The following CTNND2 variants were observed in gnomAD, a reference collection of about 807,000 sequenced individuals.
CTNND2 encodes catenin delta-2.
Under a neutral mutation model 144.4 loss-of-function variants are expected in CTNND2, and 22 were observed. The ratio of observed to expected loss-of-function variants is 0.15; its 90% CI spans 0.11 to 0.22. The LOEUF (loss-of-function observed/expected upper bound fraction) is 0.22, where lower values mean the gene tolerates loss of function less well. Among genes scored for constraint, CTNND2 ranks in the 10% least tolerant of loss-of-function variants. CTNND2 has a pLI of 1.00. For synonymous variants in CTNND2, 751 were observed against 695.6 expected (o/e 1.08, Z -1.25); for missense variants, 1,353 against 1,618.8 (o/e 0.84, Z 2.82).
At chr5:11,227,149 A>ATGGAAT (rs1488157317) in intron 10 of CTNND2, among the ~76,000 whole-genome samples, 1 of 152,202 alleles carries the variant, frequency 6.6e-6, no homozygotes, top group Non-Finnish European at 1.5e-5. Context: ...CTATAAAACT[A>ATGGAAT]TGGAATTGGT....
chr5:11,175,595 T>C (rs1343606224), intron 11 of CTNND2, among the ~76,000 whole-genome samples: 2 of 151,878 alleles, frequency 1.3e-5, no homozygotes, highest in African/African-American at 4.8e-5. Context: ...TATCTGATTG[T>C]GTATTGATGG....
intron 12 of CTNND2, among the ~76,000 whole-genome samples, chr5:11,133,685 G>C (rs1030915580): frequency 6.6e-6 from 1 of 152,188 alleles, no homozygotes; most frequent in Non-Finnish European, 1.5e-5. Context: ...TTTCTGGAAG[G>C]CTTATTAAAA....
At chr5:11,061,961 G>A (rs1747038161) in intron 16 of CTNND2, among the ~76,000 whole-genome samples, 5 of 152,058 alleles carry the variant, frequency 3.3e-5, no homozygotes, top group Admixed American at 3.3e-4. Flanking sequence ...TGTCTGCCTC[G>A]GCCTCCCAAA....
intron 8 of CTNND2, among the ~76,000 whole-genome samples, 197 bp from the exon 9 acceptor site, chr5:11,346,824 G>A (rs1754842075): frequency 6.6e-6 from 1 of 152,172 alleles, no homozygotes; most frequent in Non-Finnish European, 1.5e-5. Flanking sequence ...ATGCCTAAGA[G>A]ACAAACCTTT....
chr5:11,805,172 CAGG>C (rs1791923390), intron 1 of CTNND2, among the ~76,000 whole-genome samples: 1 of 152,048 alleles, frequency 6.6e-6, no homozygotes, highest in South Asian at 2.1e-4. Flanking sequence ...ATTTAAGCAA[CAGG>C]AGGAGAACAG....
chr5:11,729,190 CA>C (rs34925830), intron 2 of CTNND2, among the ~76,000 whole-genome samples: 13,100 of 140,196 alleles, frequency 0.093, 1,021 homozygotes, highest in African/African-American at 0.23. Context: ...TATGTGCCAC[CA>C]AAAAAAAAAA....
At chr5:11,641,772 A>G (rs1000239576) in intron 2 of CTNND2, among the ~76,000 whole-genome samples, 6 of 146,402 alleles carry the variant, frequency 4.1e-5, no homozygotes, top group East Asian at 2.2e-4. Context: ...ATATACGTAT[A>G]TGTATGTACA....
At chr5:11,606,225 C>A (rs1278888385) in intron 2 of CTNND2, among the ~76,000 whole-genome samples, 1 of 152,140 alleles carries the variant, frequency 6.6e-6, no homozygotes, top group Admixed American at 6.5e-5. Context: ...TGGCCAAGAA[C>A]CTAGATGCAG....
intron 1 of CTNND2, among the ~76,000 whole-genome samples, chr5:11,875,063 T>C (rs1735458426): frequency 6.6e-6 from 1 of 152,228 alleles, no homozygotes; most frequent in African/African-American, 2.4e-5. Context: ...ATAGTAATCA[T>C]GACTACATCC....
At chr5:11,277,062 T>C (rs570824304) in intron 9 of CTNND2, among the ~76,000 whole-genome samples, 1 of 152,184 alleles carries the variant, frequency 6.6e-6, no homozygotes, top group Non-Finnish European at 1.5e-5. Flanking sequence ...ATCCACTATA[T>C]TTTTGAAGAG....
intron 1 of CTNND2, among the ~76,000 whole-genome samples, chr5:11,841,372 G>A (rs1794462993): frequency 6.6e-6 from 1 of 151,962 alleles, no homozygotes; most frequent in African/African-American, 2.4e-5. Context: ...TACCCCATAA[G>A]TCATTACAGT....
chr5:10,973,338 C>T lies in CTNND2; in HGVS notation c.*115G>A. ...TTTCCTTACTGGTTATCACAGCCTT[C>T]CTATGGAACAGGCTTTAACAAACTA... On this transcript the variant is annotated 3_prime_UTR_variant, in exon 22 of 22. Transcript: ENST00000304623. The surrounding 1 kb of genome is among the most constrained non-coding windows in gnomAD (Gnocchi z 5.6). 1 of 1,115,686 alleles carries T rather than the reference C, an allele frequency of 9.0e-7. No homozygotes were observed. The allele number at this position is 1,115,686 out of a possible 1,614,324, so 69.1% of individuals were successfully genotyped here.
At chr5:11,827,870 T>C (rs913631039) in intron 1 of CTNND2, among the ~76,000 whole-genome samples, 1 of 152,198 alleles carries the variant, frequency 6.6e-6, no homozygotes, top group East Asian at 1.9e-4. Context: ...CAATTGTATA[T>C]AAGATTTTGC....
chr5:11,234,757 C>G (rs1211673861), intron 10 of CTNND2, among the ~76,000 whole-genome samples: 1 of 152,212 alleles, frequency 6.6e-6, no homozygotes, highest in African/African-American at 2.4e-5. Context: ...CGGGTGACTC[C>G]TTGTAATAGA....
At chr5:11,709,644 A>G (rs1359004389) in intron 2 of CTNND2, among the ~76,000 whole-genome samples, 2 of 152,226 alleles carry the variant, frequency 1.3e-5, no homozygotes, top group East Asian at 1.9e-4. Context: ...ACAGAAAGCA[A>G]TAAGAGCAGT....
chr5:11,850,131 C>T (rs1794946623), intron 1 of CTNND2, among the ~76,000 whole-genome samples: 1 of 151,924 alleles, frequency 6.6e-6, no homozygotes, highest in Non-Finnish European at 1.5e-5. Context: ...CACCCAGAGG[C>T]TGAGGGGTAG....
intron 2 of CTNND2, among the ~76,000 whole-genome samples, chr5:11,706,559 G>GAGT (rs1785703450): frequency 6.6e-6 from 1 of 152,146 alleles, no homozygotes; most frequent in African/African-American, 2.4e-5. Context: ...TCACACTAAA[G>GAGT]AGTACTCTCT....
chr5:11,877,651 A>C (rs1735664432), intron 1 of CTNND2, among the ~76,000 whole-genome samples: 1 of 152,030 alleles, frequency 6.6e-6, no homozygotes, highest in South Asian at 2.1e-4. Context: ...CCTAATTCAC[A>C]GCAAGAAAAT....
chr5:11,653,187 C>G (rs1408497888), intron 2 of CTNND2, among the ~76,000 whole-genome samples: 1 of 151,600 alleles, frequency 6.6e-6, no homozygotes, highest in Non-Finnish European at 1.5e-5. Context: ...CTATTATTAA[C>G]AATGCCACAA....
Sources: allele counts gnomAD v4.1 joint callset (sites outside exome capture counted in the v4.1 genomes callset), GRCh38; gene constraint gnomAD v4.1.1; non-coding constraint Gnocchi (gnomAD v3.1); transcripts MANE v1.5; gene names NCBI Gene and HGNC (gene_info 2026-07-23, HGNC 2026-07-21).